CDK5RAP2: variants seen among roughly 807,000 people sequenced by gnomAD.
CDK5RAP2 encodes CDK5 regulatory subunit associated protein 2.
CDK5RAP2 carries 147 observed loss-of-function variants against 232.9 expected under a neutral mutation model. The observed-to-expected ratio is 0.63, with a 90% CI of 0.55 to 0.72. The LOEUF (loss-of-function observed/expected upper bound fraction) is 0.72. Ranked by LOEUF, CDK5RAP2 falls within the 30% of genes least tolerant of loss-of-function variation. The pLI is 0.00. For missense variants in CDK5RAP2, 2,195 were observed against 2,231.5 expected (o/e 0.98, Z 0.33); for synonymous variants, 833 against 833.7 (o/e 1.00, Z 0.01).
chr9:120,448,559 C>T (rs561291844), intron 21 of CDK5RAP2, among the ~76,000 whole-genome samples: 49 of 152,290 alleles, frequency 3.2e-4, no homozygotes, highest in African/African-American at 8.9e-4. Flanking sequence ...GCCAACCCAG[C>T]GGATATTTCC....
chr9:120,507,938 AAAAAATATAT>A (rs1236179543), intron 12 of CDK5RAP2, among the ~76,000 whole-genome samples: 2 of 38,354 alleles, frequency 5.2e-5, no homozygotes, highest in South Asian at 1.2e-3. Flanking sequence ...AAAAAAAAAA[AAAAAATATAT>A]ATATATATAT....
chr9:120,434,164 G>A (rs547615150), intron 25 of CDK5RAP2, among the ~76,000 whole-genome samples: 81 of 152,312 alleles, frequency 5.3e-4, no homozygotes, highest in Admixed American at 1.3e-3. Flanking sequence ...GGGGTGCCTT[G>A]CTATTTCATA....
intron 28 of CDK5RAP2, among the ~76,000 whole-genome samples, chr9:120,413,904 T>A (rs911898122): frequency 6.6e-6 from 1 of 152,042 alleles, no homozygotes; most frequent in African/African-American, 2.4e-5. Context: ...AGCTGCAGCA[T>A]GCACGGTACT....
chr9:120,463,082 C>T (rs1037453141), intron 18 of CDK5RAP2, among the ~76,000 whole-genome samples: 1 of 151,930 alleles, frequency 6.6e-6, no homozygotes, highest in Non-Finnish European at 1.5e-5. Context: ...AAAAACAAAA[C>T]AAAACAGGGC....
intron 4 of CDK5RAP2, among the ~76,000 whole-genome samples, chr9:120,547,552 C>T (rs576866646): frequency 2.0e-5 from 3 of 151,664 alleles, no homozygotes; most frequent in Non-Finnish European, 4.4e-5. Context: ...CGCAGTGAGC[C>T]AAGATTGCAC....
intron 15 of CDK5RAP2, 100 bp downstream of exon 15, chr9:120,477,250 C>G: frequency 1.1e-6 from 1 of 938,152 alleles, no homozygotes; most frequent in Non-Finnish European, 1.7e-6. Flanking sequence ...GGCTTTGCTG[C>G]CTTAGAGATC....
At chr9:120,463,954 C>G (rs1321271830) in intron 18 of CDK5RAP2, among the ~76,000 whole-genome samples, 2 of 152,206 alleles carry the variant, frequency 1.3e-5, no homozygotes, top group Non-Finnish European at 2.9e-5. Flanking sequence ...AGCCCTACCA[C>G]CACTAAAGAA....
intron 28 of CDK5RAP2, among the ~76,000 whole-genome samples, chr9:120,411,911 C>T (rs1231419427): frequency 4.6e-5 from 7 of 152,202 alleles, no homozygotes; most frequent in Admixed American, 4.6e-4. Context: ...TCGCCACAAT[C>T]CCTAACCTAA....
At position 120,404,125 on chromosome 9, in the gene CDK5RAP2, A is replaced by G; in HGVS notation, c.4964-12T>C. On this transcript the variant is annotated splice_polypyrimidine_tract_variant and intron_variant, in intron 32 of 37. Coordinates refer to ENST00000349780, the MANE Select transcript of CDK5RAP2 (RefSeq NM_018249.6). ...ATATTTGTCACCATCTACAAAATGC[A>G]AAACACGAGAACTGTTAGTTTCACT... is the stretch of plus-strand genomic sequence containing the variant. The G allele has an allele frequency of 2.6e-6, 4 of 1,559,300 alleles. No homozygotes were observed. Among genetic ancestry groups the G allele is most frequent in the Non-Finnish European group, 3.5e-6 (4 of 1,130,286 alleles).
At position 120,467,911 on chromosome 9, in the gene CDK5RAP2, A is replaced by ACTT; in HGVS notation, c.2054_2055insAAG (p.Gly685_Phe686insSer). The ACTT allele has an allele frequency of 6.2e-7, 1 of 1,614,138 alleles. No homozygotes were observed. The highest frequency in any genetic ancestry group is 8.5e-7 in the Non-Finnish European group (1 of 1,179,996). ...TATCTGGAAACCCATTTCCCTGGAA[A>ACTT]CCCATGCAGGAGAGATCAAAAATGG... On this transcript the variant is annotated inframe_insertion, in exon 18 of 38. Coordinates refer to ENST00000349780, the MANE Select transcript of CDK5RAP2 (RefSeq NM_018249.6).
At chr9:120,468,939 T>C (rs2037535988) in intron 17 of CDK5RAP2, among the ~76,000 whole-genome samples, 1 of 152,140 alleles carries the variant, frequency 6.6e-6, no homozygotes, top group African/African-American at 2.4e-5. Flanking sequence ...TATCAAAATA[T>C]GAAAAAAATT....
rs185895736 is a variant in CDK5RAP2 at position 120,525,093 on chromosome 9, T to C, written c.1000-15A>G. On this transcript the variant is annotated splice_polypyrimidine_tract_variant and intron_variant, in intron 10 of 37. Transcript: ENST00000349780. ...AGTTCTTCAACCTGGGGAAAAATAA[T>C]GAATACCAGCCAAGTATGTAACTGG... 79 of 1,599,434 alleles carry C rather than the reference T, an allele frequency of 4.9e-5. No individual in the cohort carries two copies. Among genetic ancestry groups the C allele is most frequent in the Non-Finnish European group, 2.7e-5 (32 of 1,166,704 alleles).
chr9:120,396,229 T>A (rs2032451790), intron 35 of CDK5RAP2, among the ~76,000 whole-genome samples: 1 of 152,232 alleles, frequency 6.6e-6, no homozygotes, highest in Non-Finnish European at 1.5e-5. Flanking sequence ...AGATCCTAAT[T>A]TTAAACATTA....
At chr9:120,490,008 T>C (rs2038817677) in intron 13 of CDK5RAP2, among the ~76,000 whole-genome samples, 1 of 152,136 alleles carries the variant, frequency 6.6e-6, no homozygotes, top group Admixed American at 6.5e-5. Context: ...AGTTTCTCCA[T>C]GTTGGTCAGG....
intron 6 of CDK5RAP2, among the ~76,000 whole-genome samples, chr9:120,536,950 TTCTGTA>T (rs777333027): frequency 1.1e-4 from 17 of 151,866 alleles, no homozygotes; most frequent in Non-Finnish European, 2.1e-4. Context: ...AAAGTACATT[TTCTGTA>T]TCTCCAAGGT....
At position 120,439,447 on chromosome 9, in the gene CDK5RAP2, C is replaced by G; in HGVS notation, c.3674G>C (p.Ser1225Thr). 1.2e-6 allele frequency: 2 copies of G among 1,614,212 alleles called. No individual in the cohort carries two copies. The highest frequency in any genetic ancestry group is 1.6e-4 in the Middle Eastern group (1 of 6,062). Residue 1225 changes from serine (S) to threonine (T), a missense_variant, in exon 24 of 38, where the codon AGT (serine) becomes ACT (threonine). By Grantham distance (58) the Ser-to-Thr change is moderately conservative. Transcript: ENST00000349780. ...CTTATTCTGCAGATTATGGATCTCACTGAAAAGTTGCATGTTCAAATTCTG... is the reference window on the plus strand; with the variant it reads ...CTTATTCTGCAGATTATGGATCTCAGTGAAAAGTTGCATGTTCAAATTCTG... ...KEQNLNMQLF[S>T]EIHNLQNKFR...
chr9:120,547,218 G>A lies in CDK5RAP2; in HGVS notation c.307-1428C>T, dbSNP rs559131025. 3.3e-5 allele frequency among the ~76,000 whole-genome samples: 5 copies of A among 152,082 alleles called. No individual in the cohort carries two copies. In the East Asian group the frequency reaches 9.7e-4, roughly 30 times the overall value. ...TTGGCCAGGCTGGTCTTGAACTCCT[G>A]ACCTCAAGTGATCCGCCTGCCTTGG... is the stretch of plus-strand genomic sequence containing the variant. On this transcript the variant is annotated intron_variant, in intron 4 of 37. Transcript: ENST00000349780.
chr9:120,398,498 T>A (rs1198322434), intron 35 of CDK5RAP2, among the ~76,000 whole-genome samples: 6 of 152,242 alleles, frequency 3.9e-5, no homozygotes, highest in African/African-American at 1.4e-4. Flanking sequence ...TTTTGTGTTG[T>A]TATGCCTACA....
chr9:120,422,683 A>G lies in CDK5RAP2; in HGVS notation c.4004+10T>C. ...CTGGGAAGTCTTCTTAACAAATGTT[A>G]CACACTCACCTCTCCATCAGTTCAT... On this transcript the variant is annotated intron_variant, in intron 26 of 37. Coordinates refer to ENST00000349780, the MANE Select transcript of CDK5RAP2 (RefSeq NM_018249.6). 6.2e-7 allele frequency: 1 copy of G among 1,606,432 alleles called. No individual in the cohort carries two copies. Among genetic ancestry groups the G allele is most frequent in the Non-Finnish European group, 8.5e-7 (1 of 1,172,978 alleles).
Sources: gnomAD v4.1 joint callset for allele counts (sites outside exome capture counted in the v4.1 genomes callset) on GRCh38, gnomAD v4.1.1 for gene constraint, MANE v1.5 for transcripts, NCBI Gene and HGNC (gene_info 2026-07-23, HGNC 2026-07-21) for gene names.